Variants in RIN2 observed in about 807,000 individuals in gnomAD.
RIN2 encodes the protein RAB5 interacting protein 2.
RIN2 carries 36 observed loss-of-function variants against 78.0 expected under a neutral mutation model. The ratio of observed to expected loss-of-function variants is 0.46; its 90% CI spans 0.35 to 0.61. The LOEUF is 0.61. Ranked by LOEUF, RIN2 falls within the 20% of genes least tolerant of loss-of-function variation. The pLI is 0.00. For synonymous variants in RIN2, 466 were observed against 466.8 expected, an observed-to-expected ratio of 1.00 and a Z score of 0.02; for missense variants, 1,087 against 1,159.7, an observed-to-expected ratio of 0.94 and a Z score of 0.91.
At chr20:19,889,331 T>C in intron 2 of RIN2, 1 of 1,237,454 alleles carries the variant, frequency 8.1e-7, no homozygotes, top group Non-Finnish European at 1.0e-6. Context: ...CCAAGGACCT[T>C]CTACGTCAGT....
intron 8 of RIN2, among the ~76,000 whole-genome samples, chr20:19,973,207 T>C (rs2042160683): frequency 6.6e-6 from 1 of 152,202 alleles, no homozygotes; most frequent in African/African-American, 2.4e-5. Flanking sequence ...AAAATTTAAA[T>C]TGATTGACAC....
chr20:19,850,074 G>A (rs1026845188), intron 2 of RIN2, among the ~76,000 whole-genome samples: 12 of 152,154 alleles, frequency 7.9e-5, no homozygotes, highest in African/African-American at 2.4e-4. Context: ...CCGGCCTCAC[G>A]CCTGAGGAGC....
chr20:19,856,156 A>G (rs1205679097), intron 2 of RIN2, among the ~76,000 whole-genome samples: 1 of 152,106 alleles, frequency 6.6e-6, no homozygotes, highest in Non-Finnish European at 1.5e-5. Context: ...ATATGAAAGA[A>G]CTTTAGGGAT....
chr20:19,898,183 T>C (rs895542613), intron 3 of RIN2, among the ~76,000 whole-genome samples: 2 of 152,250 alleles, frequency 1.3e-5, no homozygotes, highest in African/African-American at 2.4e-5. Flanking sequence ...GTTTTATAAA[T>C]GGTTTTTCCA....
chr20:19,931,137 G>C (rs1382280362), intron 3 of RIN2, among the ~76,000 whole-genome samples: 1 of 152,030 alleles, frequency 6.6e-6, no homozygotes, highest in Non-Finnish European at 1.5e-5. Context: ...ATTGACCTGT[G>C]AACACTTTCA....
chr20:19,780,461 TCACACGC>T (rs2034464672), intron 1 of RIN2, among the ~76,000 whole-genome samples: 1 of 151,994 alleles, frequency 6.6e-6, no homozygotes, highest in Non-Finnish European at 1.5e-5. Flanking sequence ...TGCTCAGATG[TCACACGC>T]CCTGCTACCC....
intron 1 of RIN2, among the ~76,000 whole-genome samples, chr20:19,774,172 C>G (rs145745676): frequency 0.011 from 1,675 of 152,186 alleles, 26 homozygotes; most frequent in African/African-American, 0.038. Context: ...TTTCTGAACT[C>G]AACTTACATA....
chr20:19,937,225 A>G (rs1256211731), intron 4 of RIN2, among the ~76,000 whole-genome samples: 1 of 152,256 alleles, frequency 6.6e-6, no homozygotes, highest in African/African-American at 2.4e-5. Context: ...GGAAAAGCAT[A>G]GCTGTGGCCA....
intron 7 of RIN2, among the ~76,000 whole-genome samples, chr20:19,968,287 G>T (rs191112827): frequency 2.6e-5 from 4 of 152,116 alleles, no homozygotes; most frequent in African/African-American, 9.7e-5. Context: ...AGAAATCTAC[G>T]TATAGAGCAA....
chr20:19,874,832 T>C (rs1156596313), intron 2 of RIN2, among the ~76,000 whole-genome samples: 4 of 148,824 alleles, frequency 2.7e-5, no homozygotes, highest in African/African-American at 9.9e-5. Flanking sequence ...GATACACTTT[T>C]ATTTTTAAAA....
At chr20:19,977,233 CTA>C (rs1305685231) in intron 9 of RIN2, among the ~76,000 whole-genome samples, 2 of 152,150 alleles carry the variant, frequency 1.3e-5, no homozygotes, top group Non-Finnish European at 1.5e-5. Flanking sequence ...CAGGCCTGAG[CTA>C]TGTGGCCAGC....
intron 1 of RIN2, among the ~76,000 whole-genome samples, chr20:19,775,550 A>G (rs1277056444): frequency 6.6e-6 from 1 of 152,234 alleles, no homozygotes; most frequent in Non-Finnish European, 1.5e-5. Context: ...CTAATTTATT[A>G]AGCACATGTG....
intron 2 of RIN2, among the ~76,000 whole-genome samples, chr20:19,852,937 G>T (rs2037031307): frequency 1.3e-5 from 2 of 151,732 alleles, no homozygotes; most frequent in Admixed American, 1.3e-4. Flanking sequence ...ACAACGTGCA[G>T]GTTTGTTACA....
In RIN2 at chr20:19,975,829, C is replaced by T; in HGVS notation, c.1762+42C>T. On this transcript the variant is annotated intron_variant, in intron 9 of 12. Transcript: ENST00000255006. This position sits in a 1 kb window ranked among gnomAD's most constrained non-coding sequence, Gnocchi z 4.9. ...TTAAAATATAAAATCTATTGTAACT[C>T]TGTCCGGGCAGTGCAACCTATGTTT... 1 of 1,532,360 alleles carries T rather than the reference C, an allele frequency of 6.5e-7. No homozygotes were observed. The highest frequency in any genetic ancestry group is 8.9e-7 in the Non-Finnish European group (1 of 1,128,314). The allele number at this position is 1,532,360 out of a possible 1,614,324, so 94.9% of individuals were successfully genotyped here.
chr20:19,982,021 T>C (rs2042469406), intron 9 of RIN2, among the ~76,000 whole-genome samples: 1 of 152,050 alleles, frequency 6.6e-6, no homozygotes, highest in Admixed American at 6.6e-5. Flanking sequence ...ACTTTTGGAG[T>C]GTGTGCTGCA....
chr20:19,965,055 G>A (rs779016747), intron 7 of RIN2, 31 bp downstream of exon 7: 8 of 1,560,188 alleles, frequency 5.1e-6, no homozygotes, highest in Non-Finnish European at 6.2e-6. Flanking sequence ...ATGGTTTCAA[G>A]GCCCTGTTTG....
At chr20:19,929,274 G>A (rs1193169961) in intron 3 of RIN2, among the ~76,000 whole-genome samples, 1 of 152,204 alleles carries the variant, frequency 6.6e-6, no homozygotes, top group Non-Finnish European at 1.5e-5. Context: ...TAGAGGCTGG[G>A]ATTGTGTAAG....
chr20:19,920,178 C>G (rs2039856057), intron 3 of RIN2, among the ~76,000 whole-genome samples: 1 of 152,036 alleles, frequency 6.6e-6, no homozygotes, highest in South Asian at 2.1e-4. Context: ...CGCCTATAGT[C>G]CCAGCTACTT....
intron 1 of RIN2, among the ~76,000 whole-genome samples, chr20:19,788,593 C>T (rs2034783971): frequency 7.2e-6 from 1 of 138,308 alleles, no homozygotes; most frequent in Admixed American, 7.1e-5. Flanking sequence ...CAAAGCAAGA[C>T]TTTGTCTCGA....
Sources: allele counts gnomAD v4.1 joint callset (sites outside exome capture counted in the v4.1 genomes callset), GRCh38; gene constraint gnomAD v4.1.1; non-coding constraint Gnocchi (gnomAD v3.1); transcripts MANE v1.5; gene names NCBI Gene and HGNC (gene_info 2026-07-23, HGNC 2026-07-21).